C16orf96: variants seen among roughly 807,000 people sequenced by gnomAD.
The protein encoded by C16orf96 is chromosome 16 open reading frame 96.
In C16orf96, 108 loss-of-function variants were observed where a neutral mutation model predicts 103.6. That is an observed-to-expected ratio of 1.04 (90% CI 0.89 to 1.22). C16orf96 has a LOEUF of 1.22. Among genes scored for constraint, C16orf96 ranks in the 50% most tolerant of loss-of-function variants. The pLI, the probability that C16orf96 is intolerant of heterozygous loss-of-function variation, is 0.00. For synonymous variants in C16orf96, 566 were observed against 593.5 expected (o/e 0.95, Z 0.67); for missense variants, 1,586 against 1,464.2 (o/e 1.08, Z -1.36).
chr16:4,553,035 G>T (rs991650989), upstream of C16orf96, among the ~76,000 whole-genome samples: 1 of 152,154 alleles, frequency 6.6e-6, no homozygotes, highest in Non-Finnish European at 1.5e-5. Flanking sequence ...AGACAGAGAA[G>T]AAAGAGAAGG....
At chr16:4,549,275 C>A in the C16orf96 span, among the ~76,000 whole-genome samples, 1 of 151,952 alleles carries the variant, frequency 6.6e-6, no homozygotes, top group Non-Finnish European at 1.5e-5. Context: ...GAGATCAAGA[C>A]CATCCAGGCT....
the C16orf96 span, among the ~76,000 whole-genome samples, chr16:4,542,524 C>A: frequency 4.6e-5 from 7 of 152,148 alleles, no homozygotes; most frequent in Non-Finnish European, 8.8e-5. Flanking sequence ...CAGCCAGGCG[C>A]AGTGGCTCAT....
intron 1 of C16orf96, among the ~76,000 whole-genome samples, chr16:4,563,714 G>A (rs2059356882): frequency 6.6e-6 from 1 of 151,686 alleles, no homozygotes; most frequent in African/African-American, 2.4e-5. Context: ...GATTACAAGC[G>A]TGCACCACCA....
chr16:4,588,122 C>T (rs1181097400), intron 8 of C16orf96, 45 bp from the exon 9 acceptor site: 1 of 1,533,440 alleles, frequency 6.5e-7, no homozygotes, highest in Non-Finnish European at 8.8e-7. Flanking sequence ...CTTTGCCTTC[C>T]TCCATCCCAG....
intron 5 of C16orf96, among the ~76,000 whole-genome samples, chr16:4,578,250 C>A (rs897214778): frequency 1.3e-5 from 2 of 152,102 alleles, no homozygotes; most frequent in Non-Finnish European, 2.9e-5. Flanking sequence ...TCGAGAGATT[C>A]TCCTGCCTCA....
At chr16:4,547,810 C>T in the C16orf96 span, among the ~76,000 whole-genome samples, 5 of 138,898 alleles carry the variant, frequency 3.6e-5, no homozygotes, top group African/African-American at 1.3e-4. Context: ...TCCCTTCCTT[C>T]CTTCCTTGAG....
At position 4,575,811 on chromosome 16, in the gene C16orf96, G is replaced by T; in HGVS notation, c.1331G>T (p.Arg444Leu). ...WPRPLQPYQS[R>L]QGEALQLAAV... ...CGACCACTCCAGCCATATCAGTCTC[G>T]CCAGGGAGAAGCCCTCCAGCTCGCA... The change falls in exon 5 of 16, where the codon CGC (arginine) becomes CTC (leucine). Residue 444 changes from arginine (R) to leucine (L), a missense_variant. Arg to Leu is a moderately radical substitution (Grantham distance 102, BLOSUM62 -2). Coordinates refer to ENST00000444310, the MANE Select transcript of C16orf96 (RefSeq NM_001145011.2). 1.3e-6 allele frequency: 2 copies of T among 1,551,146 alleles called. No homozygotes were observed. Among genetic ancestry groups the T allele is most frequent in the East Asian group, 2.4e-5 (1 of 40,914 alleles).
chr16:4,541,070 C>T, the C16orf96 span, among the ~76,000 whole-genome samples: 3 of 152,014 alleles, frequency 2.0e-5, no homozygotes, highest in Non-Finnish European at 4.4e-5. Flanking sequence ...CCTGCTACCA[C>T]GCCTGGCTAA....
chr16:4,599,430 C>G, intron 15 of C16orf96, 66 bp downstream of exon 15: 2 of 1,375,022 alleles, frequency 1.5e-6, no homozygotes, highest in South Asian at 2.5e-5. Context: ...CCCTCCTCGT[C>G]TCATCCCATC....
chr16:4,594,142 G>A (rs1897118668), intron 12 of C16orf96, among the ~76,000 whole-genome samples: 1 of 152,222 alleles, frequency 6.6e-6, no homozygotes, highest in South Asian at 2.1e-4. Context: ...GCTGGGTCTG[G>A]GGAAATGCAG....
the C16orf96 span, among the ~76,000 whole-genome samples, chr16:4,549,092 G>A: frequency 6.6e-6 from 1 of 151,968 alleles, no homozygotes; most frequent in African/African-American, 2.4e-5. Flanking sequence ...AGTCTTATAT[G>A]GAGACCCTAT....
At chr16:4,547,668 C>CCTTG in the C16orf96 span, among the ~76,000 whole-genome samples, 5 of 67,628 alleles carry the variant, frequency 7.4e-5, no homozygotes, top group Non-Finnish European at 1.4e-4. Flanking sequence ...TTCCTTCCTT[C>CCTTG]CTTGCTTCCT....
At chr16:4,587,215 C>A (rs184715559) in intron 8 of C16orf96, 102 bp downstream of exon 8, 9 of 1,147,630 alleles carry the variant, frequency 7.8e-6, no homozygotes, top group Admixed American at 2.1e-5. Context: ...TTTCCCTCCC[C>A]CTTTGTTCAT....
chr16:4,596,665 G>A (rs576893329), intron 14 of C16orf96, among the ~76,000 whole-genome samples: 1 of 142,364 alleles, frequency 7.0e-6, no homozygotes, highest in East Asian at 2.1e-4. Flanking sequence ...CTGGGCGACA[G>A]AGCCAGGCCC....
At chr16:4,579,939 C>T in intron 6 of C16orf96, 76 bp from the exon 7 acceptor site, 13 of 1,269,736 alleles carry the variant, frequency 1.0e-5, no homozygotes, top group South Asian at 3.9e-5. Context: ...TTGGCCTCAA[C>T]CCTCCCTCAG....
intron 6 of C16orf96, 97 bp from the exon 7 acceptor site, chr16:4,579,918 G>A (rs2059563044): frequency 3.8e-6 from 4 of 1,045,888 alleles, no homozygotes; most frequent in South Asian, 1.4e-5. Context: ...GCCTGGTCTG[G>A]TACATTCTTC....
chr16:4,559,817 A>T (rs556622896), intron 1 of C16orf96, among the ~76,000 whole-genome samples: 50 of 152,200 alleles, frequency 3.3e-4, no homozygotes, highest in African/African-American at 1.2e-3. Context: ...GGATTTGCCT[A>T]TTCTGGACAT....
intron 7 of C16orf96, among the ~76,000 whole-genome samples, chr16:4,586,325 T>C (rs537739534): frequency 6.6e-6 from 1 of 152,234 alleles, no homozygotes; most frequent in East Asian, 1.9e-4. Flanking sequence ...GTGGCCACAC[T>C]AAGCTATAAG....
intron 7 of C16orf96, among the ~76,000 whole-genome samples, chr16:4,586,669 A>G (rs1359926711): frequency 3.3e-5 from 5 of 152,194 alleles, no homozygotes; most frequent in African/African-American, 1.2e-4. Context: ...TGCTCAGTTC[A>G]TAGTAGACTG....
Sources: allele counts gnomAD v4.1 joint callset (sites outside exome capture counted in the v4.1 genomes callset), GRCh38; gene constraint gnomAD v4.1.1; transcripts MANE v1.5; gene names NCBI Gene and HGNC (gene_info 2026-07-23, HGNC 2026-07-21).